ZFPM1: variants seen among roughly 807,000 people sequenced by gnomAD.
The protein encoded by ZFPM1 is zinc finger protein, FOG family member 1, also known as zinc finger protein ZFPM1.
Under a neutral mutation model 46.3 loss-of-function variants are expected in ZFPM1, and 28 were observed. The ratio of observed to expected loss-of-function variants is 0.60; its 90% CI spans 0.45 to 0.83. ZFPM1 has a LOEUF of 0.83. Ranked by LOEUF, ZFPM1 falls within the 40% of genes least tolerant of loss-of-function variation. ZFPM1 has a pLI of 0.00. For missense variants in ZFPM1, 1,878 were observed against 1,432.4 expected (o/e 1.31, Z -5.02); for synonymous variants, 957 against 675.9 (o/e 1.42, Z -6.45).
rs557721678 is a variant in ZFPM1, at chr16:88,534,106, A to ACCGGCCGCGCCCCCGGGACCCCCTGGG, written c.2165_2191dup (p.Gly722_Pro730dup). 2.2e-5 allele frequency: 25 copies of ACCGGCCGCGCCCCCGGGACCCCCTGGG among 1,137,594 alleles called. No homozygotes were observed. Among genetic ancestry groups the ACCGGCCGCGCCCCCGGGACCCCCTGGG allele is most frequent in the Non-Finnish European group, 2.6e-5 (24 of 910,754 alleles). 70.5% of individuals were successfully genotyped at this position (1,137,594 alleles called of 1,614,324 possible). A position where few individuals can be genotyped will look rare whatever the true frequency, so the allele number is the denominator to read the frequency against. On this transcript the variant is annotated inframe_insertion, in exon 10 of 10. Transcript: ENST00000319555. ...CGCGCCACGACCCGCCGCCGCGCCGACCGGCCGCGCCCCCGGGACCCCCTG... is the reference window on the plus strand; with the variant it reads ...CGCGCCACGACCCGCCGCCGCGCCGACCGGCCGCGCCCCCGGGACCCCCTGGGCCGGCCGCGCCCCCGGGACCCCCTG...
In ZFPM1 at chr16:88,533,503, C is replaced by T. The variant is rs753798461; in HGVS notation, c.1545C>T (p.Pro515=). The change falls in exon 10 of 10, where the codon CCC becomes CCT. Residue 515 remains proline, a synonymous_variant. Coordinates refer to ENST00000319555, the MANE Select transcript of ZFPM1 (RefSeq NM_153813.3). The stretch of plus-strand genomic sequence containing the variant: ...CCACGCCGGGCTCCAGCCCGGTGCC[C>T]GGCGAGCTGGGCCTGGCCGGGGCCC... ...SSPTPGSSPV[P]GELGLAGALF... 4.3e-6 allele frequency: 6 copies of T among 1,405,154 alleles called. No individual in the cohort carries two copies. The African/African-American group carries it at 9.3e-5, about 22-fold the overall frequency. 87.0% of individuals were successfully genotyped at this position (1,405,154 alleles called of 1,614,324 possible). A position where few individuals can be genotyped will look rare whatever the true frequency, so the allele number is the denominator to read the frequency against.
chr16:88,458,187 C>T (rs1171147996), intron 1 of ZFPM1, among the ~76,000 whole-genome samples: 7 of 152,210 alleles, frequency 4.6e-5, no homozygotes, highest in East Asian at 1.9e-4. Context: ...GTGAGCACCG[C>T]GCTGCCTTCT....
At chr16:88,452,645 C>CG (rs1433305337), upstream of ZFPM1, among the ~76,000 whole-genome samples, 1 of 152,278 alleles carries the variant, frequency 6.6e-6, no homozygotes, top group Non-Finnish European at 1.5e-5. Flanking sequence ...GTCAAGGCCT[C>CG]GGGCTTCCTG....
intron 1 of ZFPM1, among the ~76,000 whole-genome samples, chr16:88,475,914 T>C (rs1448784341): frequency 6.6e-6 from 1 of 152,158 alleles, no homozygotes; most frequent in Non-Finnish European, 1.5e-5. Flanking sequence ...TGGGCGTGGC[T>C]GTGGGCCCAG....
At chr16:88,461,124 G>GGCGGGAGGCCTGGTGAGGACC (rs1907841368) in intron 1 of ZFPM1, among the ~76,000 whole-genome samples, 1 of 101,430 alleles carries the variant, frequency 9.9e-6, no homozygotes, top group African/African-American at 5.2e-5. Flanking sequence ...AGGACCCAGG[G>GGCGGGAGGCCTGGTGAGGACC]ATGGGGCGGG....
At chr16:88,492,211 C>A (rs1217281635) in intron 3 of ZFPM1, among the ~76,000 whole-genome samples, 1 of 152,010 alleles carries the variant, frequency 6.6e-6, no homozygotes, top group African/African-American at 2.4e-5. Flanking sequence ...CTGTCTCTCT[C>A]CATGCCTCTC....
In ZFPM1 at chr16:88,485,970, G is replaced by C; in HGVS notation, c.72G>C (p.Glu24Asp). 8 of 1,612,866 alleles carry C rather than the reference G, an allele frequency of 5.0e-6. No homozygotes were observed. Among genetic ancestry groups the C allele is most frequent in the Non-Finnish European group, 6.8e-6 (8 of 1,179,908 alleles). ...RSLGDMEARE[E>D]VQLVGASHME... is the part of the protein sequence containing the mutation. ...TCGGAGACATGGAGGCCAGAGAGGA[G>C]GTGCAGTTGGTGGGTGCCAGCCACA... The change falls in exon 2 of 10, where the codon GAG (glutamate) becomes GAC (aspartate). Residue 24 changes from glutamate (E) to aspartate (D), a missense_variant. Physicochemically the swap from Glu to Asp is conservative, Grantham distance 45 (BLOSUM62 2). Coordinates refer to ENST00000319555, the MANE Select transcript of ZFPM1 (RefSeq NM_153813.3).
intron 6 of ZFPM1, among the ~76,000 whole-genome samples, chr16:88,529,054 A>C (rs1405722524): frequency 1.3e-5 from 2 of 152,242 alleles, no homozygotes. Flanking sequence ...CCGAGGCAGG[A>C]GGACCGTTTG....
chr16:88,531,476 T>C (rs1271790560), intron 6 of ZFPM1, among the ~76,000 whole-genome samples: 1 of 152,156 alleles, frequency 6.6e-6, no homozygotes, highest in Non-Finnish European at 1.5e-5. Context: ...TCCTAACTTG[T>C]GCACTCCTGG....
intron 3 of ZFPM1, among the ~76,000 whole-genome samples, chr16:88,499,261 C>T (rs1910114217): frequency 6.6e-6 from 1 of 152,240 alleles, no homozygotes; most frequent in East Asian, 1.9e-4. Flanking sequence ...CCCGAAATCG[C>T]AGGCAGAGCC....
In ZFPM1 at chr16:88,535,061, C is replaced by G. The variant is rs568953589; in HGVS notation, c.*82C>G. 1.6e-5 allele frequency: 21 copies of G among 1,335,184 alleles called. No homozygotes were observed. In the South Asian group the frequency reaches 2.6e-4, roughly 16 times the overall value. The allele number at this position is 1,335,184 out of a possible 1,614,324, so 82.7% of individuals were successfully genotyped here. A position where few individuals can be genotyped will look rare whatever the true frequency, so the allele number is the denominator to read the frequency against. On this transcript the variant is annotated 3_prime_UTR_variant, in exon 10 of 10. Coordinates refer to ENST00000319555, the MANE Select transcript of ZFPM1 (RefSeq NM_153813.3). The stretch of plus-strand genomic sequence containing the variant: ...GCCGCCCCCAGGCCGCACGGACTGC[C>G]GCTCCTGGGAACCCCGCCACGCACA...
In ZFPM1 at chr16:88,533,999, A is replaced by G; in HGVS notation, c.2041A>G (p.Ser681Gly). 1.5e-6 allele frequency: 2 copies of G among 1,358,932 alleles called. No homozygotes were observed. The highest frequency in any genetic ancestry group is 1.9e-6 in the Non-Finnish European group (2 of 1,039,602). 84.2% of individuals were successfully genotyped at this position (1,358,932 alleles called of 1,614,324 possible). A position where few individuals can be genotyped will look rare whatever the true frequency, so the allele number is the denominator to read the frequency against. ...SSVDDAEDDP[S>G]RTLCEACNIR... ...CGTGGACGACGCGGAGGACGACCCC[A>G]GCCGCACGCTGTGCGAGGCCTGCAA... is the stretch of plus-strand genomic sequence containing the variant. The change falls in exon 10 of 10, where the codon AGC becomes GGC. Residue 681 changes from serine (S) to glycine (G), a missense_variant. Ser to Gly is a moderately conservative substitution (Grantham distance 56). Transcript: ENST00000319555.
intron 3 of ZFPM1, among the ~76,000 whole-genome samples, chr16:88,511,666 G>T (rs1910969229): frequency 6.6e-6 from 1 of 152,186 alleles, no homozygotes; most frequent in Non-Finnish European, 1.5e-5. Flanking sequence ...TTGGGAGAGG[G>T]TCTCTGCAGG....
rs763194801 is a variant in ZFPM1, at chr16:88,486,013, G to T, written c.115G>T (p.Ala39Ser). ...GASHMEQKAT[A>S]PEAPSPPSAD... is the part of the protein sequence containing the mutation. ...CAGCCACATGGAGCAAAAGGCCACG[G>T]CACCTGAAGCCCCGAGCCCTCCCAG... Residue 39 changes from alanine (A) to serine (S), a missense_variant, in exon 2 of 10, where the codon GCA becomes TCA. By Grantham distance (99) the Ala-to-Ser change is moderately conservative. Transcript: ENST00000319555. The T allele has an allele frequency of 6.2e-7, 1 of 1,612,600 alleles. No individual in the cohort carries two copies. Among genetic ancestry groups the T allele is most frequent in the African/African-American group, 1.3e-5 (1 of 74,934 alleles).
At chr16:88,462,882 A>C (rs1726240392) in intron 1 of ZFPM1, among the ~76,000 whole-genome samples, 1 of 143,724 alleles carries the variant, frequency 7.0e-6, no homozygotes, top group African/African-American at 2.5e-5. Flanking sequence ...GGCTGTGAGG[A>C]GCGATGCCAC....
intron 4 of ZFPM1, among the ~76,000 whole-genome samples, chr16:88,519,659 ATGGATGGATGGG>A (rs1455723194): frequency 1.9e-5 from 2 of 103,294 alleles, no homozygotes; most frequent in Non-Finnish European, 3.7e-5. Context: ...GGATAGGTGG[ATGGATGGATGGG>A]TGGATGGATG....
intron 4 of ZFPM1, among the ~76,000 whole-genome samples, chr16:88,519,319 G>T (rs1483921321): frequency 6.6e-6 from 1 of 151,272 alleles, no homozygotes; most frequent in Non-Finnish European, 1.5e-5. Context: ...GTGAAGGAGT[G>T]GATAGATGGA....
chr16:88,462,324 G>A (rs897505176), intron 1 of ZFPM1, among the ~76,000 whole-genome samples: 7 of 152,216 alleles, frequency 4.6e-5, no homozygotes, highest in South Asian at 2.1e-4. Flanking sequence ...AAGTGAGCCC[G>A]GCGTGCTGAG....
intron 3 of ZFPM1, among the ~76,000 whole-genome samples, chr16:88,491,814 C>G (rs1909594700): frequency 6.6e-6 from 1 of 152,218 alleles, no homozygotes; most frequent in African/African-American, 2.4e-5. Flanking sequence ...CGCTGGCCAA[C>G]CGCTGCAGTG....
Sources: allele counts gnomAD v4.1 joint callset (sites outside exome capture counted in the v4.1 genomes callset), GRCh38; gene constraint gnomAD v4.1.1; transcripts MANE v1.5; gene names NCBI Gene and HGNC (gene_info 2026-07-23, HGNC 2026-07-21).